The following CUX1 variants were observed in gnomAD, a reference collection of about 807,000 sequenced individuals.
The protein encoded by CUX1 is protein CASP.
Under a neutral mutation model 158.8 loss-of-function variants are expected in CUX1, and 31 were observed. The ratio of observed to expected loss-of-function variants is 0.20; its 90% CI spans 0.15 to 0.26. CUX1 has a LOEUF of 0.26. Ranked by LOEUF, CUX1 falls within the 10% of genes least tolerant of loss-of-function variation. CUX1 has a pLI of 1.00. For synonymous variants in CUX1, 879 were observed against 862.1 expected (o/e 1.02, Z -0.34); for missense variants, 1,589 against 2,014.6 (o/e 0.79, Z 4.04).
At chr7:102,106,825 C>T (rs10271680) in intron 6 of CUX1, among the ~76,000 whole-genome samples, 34,940 of 152,168 alleles carry the variant, frequency 0.23, 4,351 homozygotes, top group Non-Finnish European at 0.29. Context: ...CTTTGAATTC[C>T]CTCCTGGCTG....
chr7:102,193,901 C>T lies in CUX1; in HGVS notation c.1125+11C>T. 6.2e-7 allele frequency: 1 copy of T among 1,613,826 alleles called. No homozygotes were observed. Among genetic ancestry groups the T allele is most frequent in the Non-Finnish European group, 8.5e-7 (1 of 1,179,794 alleles). On this transcript the variant is annotated intron_variant, in intron 13 of 23. Coordinates refer to ENST00000292535, the MANE Select transcript of CUX1 (RefSeq NM_181552.4). ...GGCGCTGGGACACAGGTACGTGTCT[C>T]ACCTCAATGGTCAGCACTAGCATCA...
intron 2 of CUX1, among the ~76,000 whole-genome samples, chr7:101,928,611 G>A (rs948353775): frequency 2.7e-5 from 4 of 150,536 alleles, no homozygotes; most frequent in African/African-American, 4.9e-5. Context: ...TGATCTGCCC[G>A]CCTCGGCCTC....
In CUX1 at chr7:101,941,773, C is replaced by A. The variant is rs543565800; in HGVS notation, c.141+25548C>A. On this transcript the variant is annotated intron_variant, in intron 2 of 23. Coordinates refer to ENST00000292535, the MANE Select transcript of CUX1 (RefSeq NM_181552.4). The stretch of plus-strand genomic sequence containing the variant: ...AACAGATACATTCTTTGAAGAATTT[C>A]TGTGTTTTTAATTACCCCACGAAAG... Among the ~76,000 whole-genome samples, 5 of 152,292 alleles carry A rather than the reference C, an allele frequency of 3.3e-5. No homozygotes were observed. The East Asian group carries it at 9.6e-4, about 29-fold the overall frequency.
chr7:101,972,672 C>G (rs1033514969), intron 2 of CUX1, among the ~76,000 whole-genome samples: 1 of 152,206 alleles, frequency 6.6e-6, no homozygotes, highest in African/African-American at 2.4e-5. Context: ...AGTTCAGCCG[C>G]CAAGGTGGAG....
rs556671982 is a variant in CUX1 at position 102,050,216 on chromosome 7, G to A, written c.190-20123G>A. The stretch of plus-strand genomic sequence containing the variant: ...GCGTGACCTTGAATATCTCATGTCC[G>A]CTTCTCTGTCCCATCCATATAACAG... On this transcript the variant is annotated intron_variant, in intron 3 of 23. Transcript: ENST00000292535. Among the ~76,000 whole-genome samples the A allele has an allele frequency of 5.9e-5, 9 of 152,298 alleles. No individual in the cohort carries two copies. In the South Asian group the frequency reaches 6.2e-4, roughly 11 times the overall value.
rs192798743 is a variant in CUX1 at position 102,267,349 on chromosome 7, C to T, written c.1256-6017C>T. Among the ~76,000 whole-genome samples, 20 of 152,056 alleles carry T rather than the reference C, an allele frequency of 1.3e-4. 1 individual carries two copies. Among genetic ancestry groups the T allele is most frequent in the Admixed American group, 3.9e-4 (6 of 15,276 alleles). On this transcript the variant is annotated intron_variant, in intron 14 of 22. Transcript: ENST00000292538. Reference sequence around the variant, plus strand: ...AGGAGTTCGAGACCAGCCTGGCCAACGTGACGAAACTCTGTCTCCACTAAA... The same window carrying T: ...AGGAGTTCGAGACCAGCCTGGCCAATGTGACGAAACTCTGTCTCCACTAAA...
intron 3 of CUX1, among the ~76,000 whole-genome samples, chr7:102,035,951 A>C (rs1821376527): frequency 6.6e-6 from 1 of 152,128 alleles, no homozygotes. Context: ...AGCTCACTGC[A>C]ACCTCCACCT....
intron 22 of CUX1, among the ~76,000 whole-genome samples, chr7:102,235,037 C>A (rs1554532149): frequency 2.0e-5 from 3 of 152,230 alleles, no homozygotes; most frequent in Non-Finnish European, 4.4e-5. Context: ...CACAACAGAT[C>A]TCTCTCTTGC....
In CUX1 at chr7:102,250,539, GGA is replaced by G. The variant is rs1319246253; in HGVS notation, c.*1504_*1505del. The G allele has an allele frequency of 1.0e-6, 1 of 985,458 alleles. No homozygotes were observed. 61.0% of individuals were successfully genotyped at this position (985,458 alleles called of 1,614,324 possible). On this transcript the variant is annotated 3_prime_UTR_variant, in exon 24 of 24. Transcript: ENST00000292535. ...TCGTGGGAAACTTCCTTTCTCTGCA[GGA>G]GAGAGAACGTGGCATTCTGGGCTCC...
At chr7:102,049,656 A>G (rs1316720878) in intron 3 of CUX1, among the ~76,000 whole-genome samples, 2 of 152,112 alleles carry the variant, frequency 1.3e-5, no homozygotes, top group East Asian at 1.9e-4. Flanking sequence ...CTGGGGCAAC[A>G]TAGTGAGATC....
In CUX1 at chr7:102,218,513, A is replaced by G. The variant is rs570527127; in HGVS notation, c.3131-8854A>G. 2.7e-5 allele frequency among the ~76,000 whole-genome samples: 4 copies of G among 150,362 alleles called. No homozygotes were observed. The South Asian group carries it at 6.4e-4, about 24-fold the overall frequency. On this transcript the variant is annotated intron_variant, in intron 20 of 23. Coordinates refer to ENST00000292535, the MANE Select transcript of CUX1 (RefSeq NM_181552.4). ...AGCCTGGGCAACATAGTGAGACCCT[A>G]TCTCGACAAATAATAATTATAGTAA... is the stretch of plus-strand genomic sequence containing the variant.
rs531063916 is a variant in CUX1, at chr7:102,094,852, G to C, written c.269-2512G>C. On this transcript the variant is annotated intron_variant, in intron 4 of 23. Transcript: ENST00000292535. ...ATTTGCCCAGCACAAGGTCGTGAAG[G>C]TGGGGAAGAGGGGCAGGCTGAGAAG... Among the ~76,000 whole-genome samples, 3 of 152,318 alleles carry C rather than the reference G, an allele frequency of 2.0e-5. No homozygotes were observed. In the East Asian group the frequency reaches 5.8e-4, roughly 29 times the overall value.
chr7:101,846,238 C>T (rs771929202), intron 1 of CUX1, among the ~76,000 whole-genome samples: 16 of 152,182 alleles, frequency 1.1e-4, no homozygotes, highest in Non-Finnish European at 2.2e-4. Context: ...CATAGATGGC[C>T]CAGCTGCCAG....
rs567349034 is a variant in CUX1, at chr7:101,863,812, T to A, written c.30+46143T>A. ...GTGGAATCATACAGTATTGTCTTTCTGTGACTGGCTCAGTTCACTTAGCAC... is the reference window on the plus strand; with the variant it reads ...GTGGAATCATACAGTATTGTCTTTCAGTGACTGGCTCAGTTCACTTAGCAC... On this transcript the variant is annotated intron_variant, in intron 1 of 23. Transcript: ENST00000292535. Among the ~76,000 whole-genome samples, 7 of 152,350 alleles carry A rather than the reference T, an allele frequency of 4.6e-5. No individual in the cohort carries two copies. In the South Asian group the frequency reaches 1.2e-3, roughly 27 times the overall value.
At chr7:101,871,321 CT>C (rs34207946) in intron 1 of CUX1, among the ~76,000 whole-genome samples, 2,343 of 146,610 alleles carry the variant, frequency 0.016, 58 homozygotes, top group African/African-American at 0.051. Flanking sequence ...AAAAAAAAGC[CT>C]TTTTTTTTTT....
intron 3 of CUX1, among the ~76,000 whole-genome samples, chr7:102,035,276 C>T (rs542580807): frequency 2.6e-5 from 4 of 152,070 alleles, no homozygotes; most frequent in Admixed American, 6.6e-5. Context: ...ACAACCATGC[C>T]GTTTGTCAGT....
At chr7:102,283,003 G>T (rs1554549828) in intron 22 of CUX1, 1 of 1,582,888 alleles carries the variant, frequency 6.3e-7, no homozygotes. Flanking sequence ...CCTCAGCAAA[G>T]CTTCCCGTGT....
At chr7:102,227,086 G>A (rs1209484410) in intron 20 of CUX1, among the ~76,000 whole-genome samples, 1 of 152,066 alleles carries the variant, frequency 6.6e-6, no homozygotes, top group African/African-American at 2.4e-5. Context: ...TGATTAATAG[G>A]AGTTTTTTTA....
chr7:102,098,029 CAGAG>C (rs1250843300), intron 5 of CUX1, among the ~76,000 whole-genome samples: 2 of 152,206 alleles, frequency 1.3e-5, no homozygotes, highest in Admixed American at 1.3e-4. Flanking sequence ...GTCAACAAGA[CAGAG>C]AGGGCAAAGG....
Sources: gnomAD v4.1 joint callset for allele counts (sites outside exome capture counted in the v4.1 genomes callset) on GRCh38, gnomAD v4.1.1 for gene constraint, MANE v1.5 for transcripts, NCBI Gene and HGNC (gene_info 2026-07-23, HGNC 2026-07-21) for gene names.